Variants in SOCS2 observed in about 807,000 individuals in gnomAD.
SOCS2 encodes the protein CIS-2.
SOCS2 carries 10 observed loss-of-function variants against 18.6 expected under a neutral mutation model. That is an observed-to-expected ratio of 0.54 (90% CI 0.33 to 0.91). The LOEUF (loss-of-function observed/expected upper bound fraction) is 0.91, where lower values mean the gene tolerates loss of function less well. Ranked by LOEUF, SOCS2 falls within the 40% of genes least tolerant of loss-of-function variation. The pLI is 0.02. For missense variants in SOCS2, 231 were observed against 247.2 expected (o/e 0.93, Z 0.44); for synonymous variants, 104 against 104.0 (o/e 1.00, Z 0.00).
chr12:93,613,653 C>G, the SOCS2 span, among the ~76,000 whole-genome samples: 1 of 152,130 alleles, frequency 6.6e-6, no homozygotes, highest in African/African-American at 2.4e-5. Context: ...ATTGTCATTG[C>G]CACTTAATTT....
At position 93,575,331 on chromosome 12, in the gene SOCS2, A is replaced by T; in HGVS notation, c.*152A>T. 1 of 521,604 alleles carries T rather than the reference A, an allele frequency of 1.9e-6. No homozygotes were observed. Among genetic ancestry groups the T allele is most frequent in the Non-Finnish European group, 3.3e-6 (1 of 306,042 alleles). 32.3% of individuals were successfully genotyped at this position (521,604 alleles called of 1,614,324 possible). ...CTAATTTAAATTTAACAGCTTGAAGAGGTAGCTAGGTGTTTAAAGTTCCTC... is the reference window on the plus strand; with the variant it reads ...CTAATTTAAATTTAACAGCTTGAAGTGGTAGCTAGGTGTTTAAAGTTCCTC... On this transcript the variant is annotated 3_prime_UTR_variant, in exon 2 of 2. Coordinates refer to ENST00000551556, the MANE Select transcript of SOCS2 (RefSeq NM_001270471.2).
the SOCS2 span, among the ~76,000 whole-genome samples, chr12:93,594,758 A>G: frequency 6.6e-6 from 1 of 152,298 alleles, no homozygotes; most frequent in South Asian, 2.1e-4. Context: ...GTCAGGGAAT[A>G]TCAGCTCTCG....
rs1437500599 is a variant in SOCS2, at chr12:93,574,752, A to T, written c.170A>T (p.Glu57Val). ...GWYWGSMTVN[E>V]AKEKLKEAPE... ...TACTGGGGAAGTATGACTGTTAATG[A>T]AGCCAAAGAGAAATTAAAAGAGGCA... Residue 57 changes from glutamate to valine, a missense_variant, in exon 2 of 2, where the codon GAA (glutamate) becomes GTA (valine). Physicochemically the swap from Glu to Val is moderately radical, Grantham distance 121. Coordinates refer to ENST00000551556, the MANE Select transcript of SOCS2 (RefSeq NM_001270471.2). 6.2e-7 allele frequency: 1 copy of T among 1,613,628 alleles called. No individual in the cohort carries two copies. The highest frequency in any genetic ancestry group is 1.1e-5 in the South Asian group (1 of 91,040).
At chr12:93,617,646 T>G in the SOCS2 span, among the ~76,000 whole-genome samples, 4 of 152,282 alleles carry the variant, frequency 2.6e-5, no homozygotes, top group Non-Finnish European at 4.4e-5. Flanking sequence ...CTCCACATAT[T>G]TATATTTACT....
chr12:93,589,850 CTT>C, the SOCS2 span, among the ~76,000 whole-genome samples: 1 of 152,318 alleles, frequency 6.6e-6, no homozygotes, highest in East Asian at 1.9e-4. Flanking sequence ...TGTGGCAAAA[CTT>C]TTTCTCAAGT....
chr12:93,580,483 T>C (rs1359684889), downstream of SOCS2, among the ~76,000 whole-genome samples: 2 of 151,718 alleles, frequency 1.3e-5, no homozygotes, highest in Admixed American at 1.3e-4. Context: ...TAGCCAGGTG[T>C]GGTGGCGCAC....
At chr12:93,625,519 G>A in the SOCS2 span, among the ~76,000 whole-genome samples, 2 of 152,038 alleles carry the variant, frequency 1.3e-5, no homozygotes, top group East Asian at 1.9e-4. Context: ...AGGCCCAGGC[G>A]AGTGGATCAC....
chr12:93,614,532 C>CTTTCTCT, the SOCS2 span, among the ~76,000 whole-genome samples: 1 of 74,744 alleles, frequency 1.3e-5, no homozygotes, highest in Admixed American at 1.8e-4. Context: ...TCCTTCCTTC[C>CTTTCTCT]TTCCTTCCTT....
chr12:93,590,771 A>G, the SOCS2 span, among the ~76,000 whole-genome samples: 1 of 132,690 alleles, frequency 7.5e-6, no homozygotes, highest in Non-Finnish European at 1.6e-5. Context: ...GCGACAGAGC[A>G]AGACTCCGCC....
At chr12:93,625,470 G>A in the SOCS2 span, among the ~76,000 whole-genome samples, 3 of 152,170 alleles carry the variant, frequency 2.0e-5, 1 homozygote, top group Admixed American at 6.5e-5. Context: ...ATTGAGGGCC[G>A]GGCGCGGTGG....
chr12:93,617,554 T>A, the SOCS2 span, among the ~76,000 whole-genome samples: 1 of 152,172 alleles, frequency 6.6e-6, no homozygotes, highest in African/African-American at 2.4e-5. Flanking sequence ...TTTGGCACTG[T>A]GGAGGTCTTA....
upstream of SOCS2, chr12:93,572,517 C>G: frequency 2.5e-6 from 1 of 405,904 alleles, no homozygotes. The surrounding 1 kb of genome is among the most constrained non-coding windows in gnomAD (Gnocchi z 5.0). Context: ...CTCTCTTTAT[C>G]TTTTCTCTAG....
chr12:93,614,839 C>G, the SOCS2 span, among the ~76,000 whole-genome samples: 1 of 151,238 alleles, frequency 6.6e-6, no homozygotes, highest in African/African-American at 2.4e-5. Context: ...GTCTTGAACT[C>G]CCGACCTCAG....
downstream of SOCS2, among the ~76,000 whole-genome samples, chr12:93,586,273 A>G (rs1294956644): frequency 6.6e-6 from 1 of 152,194 alleles, no homozygotes; most frequent in Non-Finnish European, 1.5e-5. Flanking sequence ...AGATAAATAA[A>G]TTATGTTCAC....
the SOCS2 span, among the ~76,000 whole-genome samples, chr12:93,617,499 AT>A: frequency 6.6e-6 from 1 of 152,154 alleles, no homozygotes; most frequent in Non-Finnish European, 1.5e-5. Flanking sequence ...TTATGTCTGA[AT>A]AAAAACACCA....
At chr12:93,603,495 C>T in the SOCS2 span, among the ~76,000 whole-genome samples, 1 of 152,228 alleles carries the variant, frequency 6.6e-6, no homozygotes, top group Admixed American at 6.5e-5. Context: ...CACCTTTCCA[C>T]ATCCCATAAT....
At chr12:93,623,266 T>C in the SOCS2 span, among the ~76,000 whole-genome samples, 1 of 152,156 alleles carries the variant, frequency 6.6e-6, no homozygotes, top group Non-Finnish European at 1.5e-5. Context: ...CCTGCTGCCA[T>C]GTAAGACGTG....
At chr12:93,611,271 T>C in the SOCS2 span, among the ~76,000 whole-genome samples, 1 of 152,198 alleles carries the variant, frequency 6.6e-6, no homozygotes, top group East Asian at 1.9e-4. Context: ...GGAGTCTCAC[T>C]TTGCCACCCA....
At chr12:93,594,931 G>C in the SOCS2 span, among the ~76,000 whole-genome samples, 1 of 151,968 alleles carries the variant, frequency 6.6e-6, no homozygotes, top group Non-Finnish European at 1.5e-5. Flanking sequence ...CAAAACATAG[G>C]GTACCAATTC....
Sources: allele counts gnomAD v4.1 joint callset (sites outside exome capture counted in the v4.1 genomes callset), GRCh38; gene constraint gnomAD v4.1.1; non-coding constraint Gnocchi (gnomAD v3.1); transcripts MANE v1.5; gene names NCBI Gene and HGNC (gene_info 2026-07-23, HGNC 2026-07-21).